CDH4: variants seen among roughly 807,000 people sequenced by gnomAD.
CDH4 encodes cadherin 4.
Under a neutral mutation model 86.0 loss-of-function variants are expected in CDH4, and 33 were observed. That is an observed-to-expected ratio of 0.38 (90% CI 0.29 to 0.51). The LOEUF (loss-of-function observed/expected upper bound fraction) is 0.51. Ranked by LOEUF, CDH4 falls within the 20% of genes least tolerant of loss-of-function variation. The pLI, the probability that CDH4 is intolerant of heterozygous loss-of-function variation, is 0.86. For missense variants in CDH4, 1,114 were observed against 1,307.4 expected (o/e 0.85, Z 2.28); for synonymous variants, 555 against 549.4 (o/e 1.01, Z -0.14).
In CDH4 at chr20:61,939,472, A is replaced by T. The variant is rs534781773; in HGVS notation, c.*2529A>T. ...GATGTTCATAGGGCTTCCTGTGCCCATCCCTGCTCCAAACAGCTGGACAGC... is the reference window on the plus strand; with the variant it reads ...GATGTTCATAGGGCTTCCTGTGCCCTTCCCTGCTCCAAACAGCTGGACAGC... On this transcript the variant is annotated 3_prime_UTR_variant, in exon 16 of 16. Coordinates refer to ENST00000614565, the MANE Select transcript of CDH4 (RefSeq NM_001794.5). The T allele has an allele frequency of 6.6e-6, 1 of 152,412 alleles. No homozygotes were observed. The highest frequency in any genetic ancestry group is 1.9e-4 in the East Asian group (1 of 5,178). 9.4% of individuals were successfully genotyped at this position (152,412 alleles called of 1,614,324 possible). A position where few individuals can be genotyped will look rare whatever the true frequency, so the allele number is the denominator to read the frequency against.
At chr20:61,279,697 C>G (rs2084248438) in intron 2 of CDH4, among the ~76,000 whole-genome samples, 1 of 152,198 alleles carries the variant, frequency 6.6e-6, no homozygotes, top group African/African-American at 2.4e-5. Context: ...AGACATGGCC[C>G]ATCCTTCCAA....
chr20:61,837,220 T>G (rs1981923628), intron 4 of CDH4, among the ~76,000 whole-genome samples: 1 of 152,126 alleles, frequency 6.6e-6, no homozygotes, highest in African/African-American at 2.4e-5. Context: ...ACTTAGCACT[T>G]GCATCCCCCA....
intron 9 of CDH4, among the ~76,000 whole-genome samples, chr20:61,913,090 C>G (rs1226969183): frequency 6.6e-6 from 1 of 152,172 alleles, no homozygotes; most frequent in Non-Finnish European, 1.5e-5. Flanking sequence ...CTGACTCCCA[C>G]AGCTCGGATT....
intron 2 of CDH4, among the ~76,000 whole-genome samples, chr20:61,699,623 C>G (rs746431823): frequency 6.6e-6 from 1 of 152,226 alleles, no homozygotes; most frequent in Non-Finnish European, 1.5e-5. Flanking sequence ...GACATCACCC[C>G]ACTCAACCTT....
At chr20:61,583,133 G>GGGGACAGAGGGCTCTGCGGA (rs796872755) in intron 2 of CDH4, among the ~76,000 whole-genome samples, 1 of 78,904 alleles carries the variant, frequency 1.3e-5, no homozygotes, top group Non-Finnish European at 2.9e-5. Context: ...GGCTCTGCGG[G>GGGGACAGAGGGCTCTGCGGA]GGGACAGAGG....
chr20:61,876,547 G>A (rs1019230724), intron 7 of CDH4, among the ~76,000 whole-genome samples: 8 of 152,160 alleles, frequency 5.3e-5, no homozygotes, highest in African/African-American at 1.2e-4. Context: ...GGTTCTAGAC[G>A]TGCAGACGCA....
intron 4 of CDH4, among the ~76,000 whole-genome samples, chr20:61,813,063 C>T (rs147582636): frequency 1.7e-3 from 265 of 152,352 alleles, no homozygotes; most frequent in African/African-American, 6.0e-3. Context: ...AACCACATCC[C>T]GCTGCCTTCC....
chr20:61,933,144 C>T lies in CDH4; in HGVS notation c.2379+20C>T. The T allele has an allele frequency of 6.2e-7, 1 of 1,608,616 alleles. No homozygotes were observed. Among genetic ancestry groups the T allele is most frequent in the South Asian group, 1.1e-5 (1 of 90,758 alleles). Reference sequence around the variant, plus strand: ...GACCAGGTGAGACTGCGGCCCGCCCCCGCCTCCCCACGCGAGGCCGGCTCT... The same window carrying T: ...GACCAGGTGAGACTGCGGCCCGCCCTCGCCTCCCCACGCGAGGCCGGCTCT... On this transcript the variant is annotated intron_variant, in intron 14 of 15. Coordinates refer to ENST00000614565, the MANE Select transcript of CDH4 (RefSeq NM_001794.5).
intron 2 of CDH4, among the ~76,000 whole-genome samples, chr20:61,558,890 T>G (rs1260459150): frequency 6.6e-6 from 1 of 152,252 alleles, no homozygotes; most frequent in Non-Finnish European, 1.5e-5. Context: ...GGCCGCTGGA[T>G]GGCTTTGCTG....
intron 6 of CDH4, among the ~76,000 whole-genome samples, chr20:61,857,735 G>C (rs1307898371): frequency 1.3e-5 from 2 of 152,288 alleles, no homozygotes; most frequent in Admixed American, 6.5e-5. Flanking sequence ...AAATAAGACA[G>C]ACAGATCCTG....
chr20:61,518,755 G>A lies in CDH4; in HGVS notation c.170-224808G>A, dbSNP rs1035675647. Among the ~76,000 whole-genome samples, 4 of 142,588 alleles carry A rather than the reference G, an allele frequency of 2.8e-5. No homozygotes were observed. The highest frequency in any genetic ancestry group is 1.4e-4 in the Admixed American group (2 of 14,408). The allele number at this position is 142,588 out of a possible 152,430, so 93.5% of individuals were successfully genotyped here. A position where few individuals can be genotyped will look rare whatever the true frequency, so the allele number is the denominator to read the frequency against. The stretch of plus-strand genomic sequence containing the variant: ...CCATCATCCATTCATCCATCCATTC[G>A]TACATCCACCCATCATCCATCCTTT... On this transcript the variant is annotated intron_variant, in intron 2 of 15. Coordinates refer to ENST00000614565, the MANE Select transcript of CDH4 (RefSeq NM_001794.5). This position sits in a 1 kb window ranked among gnomAD's most constrained non-coding sequence, Gnocchi z 6.3.
chr20:61,845,648 C>A (rs1032541462), intron 5 of CDH4, among the ~76,000 whole-genome samples: 2 of 152,260 alleles, frequency 1.3e-5, no homozygotes, highest in Admixed American at 1.3e-4. Context: ...GCTGTCGCCT[C>A]TCCTGGCCTC....
chr20:61,926,275 G>C (rs1318950572), intron 11 of CDH4, among the ~76,000 whole-genome samples: 1 of 152,256 alleles, frequency 6.6e-6, no homozygotes. Context: ...GAAACGGTGT[G>C]TGCAAAGGCC....
intron 2 of CDH4, among the ~76,000 whole-genome samples, chr20:61,383,776 C>T (rs1484728937): frequency 4.0e-5 from 3 of 74,308 alleles, no homozygotes; most frequent in African/African-American, 8.7e-5. Flanking sequence ...GATATATATG[C>T]ATATATATGA....
rs570799971 is a variant in CDH4 at position 61,490,160 on chromosome 20, A to T, written c.169+235223A>T. On this transcript the variant is annotated intron_variant, in intron 2 of 15. Transcript: ENST00000614565. ...TATCCAAAAGAAATGAAAGACATTC[A>T]AGAGAATGGTCAAAGCAGCTTTATT... 1.1e-4 allele frequency among the ~76,000 whole-genome samples: 16 copies of T among 152,314 alleles called. No homozygotes were observed. In the East Asian group the frequency reaches 3.1e-3, roughly 29 times the overall value.
intron 15 of CDH4, among the ~76,000 whole-genome samples, chr20:61,935,076 G>C (rs1467049304): frequency 1.3e-5 from 2 of 152,230 alleles, no homozygotes; most frequent in Admixed American, 1.3e-4. Flanking sequence ...CAGTGACTCT[G>C]AGGCTCCAGA....
At chr20:61,607,906 TCA>T (rs2145755159) in intron 2 of CDH4, among the ~76,000 whole-genome samples, 1 of 152,332 alleles carries the variant, frequency 6.6e-6, no homozygotes, top group South Asian at 2.1e-4. Context: ...TGCCCGTGTC[TCA>T]CAGTGCAGAG....
chr20:61,782,719 A>G (rs1978614594), intron 4 of CDH4, among the ~76,000 whole-genome samples: 1 of 152,200 alleles, frequency 6.6e-6, no homozygotes, highest in Non-Finnish European at 1.5e-5. Flanking sequence ...GTGGTCCAAT[A>G]TTAACTCTAG....
chr20:61,770,679 C>A (rs1433163385), intron 3 of CDH4, among the ~76,000 whole-genome samples: 1 of 152,122 alleles, frequency 6.6e-6, no homozygotes, highest in Non-Finnish European at 1.5e-5. Flanking sequence ...GTCAGGAGAT[C>A]GAGACCATCC....
Sources: allele counts gnomAD v4.1 joint callset (sites outside exome capture counted in the v4.1 genomes callset), GRCh38; gene constraint gnomAD v4.1.1; non-coding constraint Gnocchi (gnomAD v3.1); transcripts MANE v1.5; gene names NCBI Gene and HGNC (gene_info 2026-07-23, HGNC 2026-07-21).